CD8A: variants seen among roughly 807,000 people sequenced by gnomAD.
CD8A encodes CD8 subunit alpha.
CD8A carries 25 observed loss-of-function variants against 24.2 expected under a neutral mutation model. That is an observed-to-expected ratio of 1.03 (90% CI 0.75 to 1.44). CD8A has a LOEUF of 1.44. CD8A is among the 40% of genes most tolerant of loss of function. The pLI is 0.00. For synonymous variants in CD8A, 165 were observed against 149.9 expected (o/e 1.10, Z -0.74); for missense variants, 360 against 319.7 (o/e 1.13, Z -0.96).
At chr2:86,791,236 C>A, upstream of CD8A, 1 of 391,278 alleles carries the variant, frequency 2.6e-6, no homozygotes, top group Non-Finnish European at 4.9e-6. Flanking sequence ...GGGGAGTGTC[C>A]CTTCCTTTGC....
intron 3 of CD8A, among the ~76,000 whole-genome samples, chr2:86,797,596 G>C (rs1467639397): frequency 1.3e-5 from 2 of 152,116 alleles, no homozygotes; most frequent in African/African-American, 4.8e-5. Context: ...GGGCAGCATG[G>C]GGACTTGTGG....
upstream of CD8A, chr2:86,791,563 G>A (rs1673311628): frequency 4.4e-6 from 2 of 454,160 alleles, no homozygotes; most frequent in Non-Finnish European, 8.8e-6. Context: ...ATTCACACCA[G>A]TCTCTCTCCT....
Position 86,785,501 on chromosome 2 carries a change from C to G in CD8A, c.*419G>C, listed in dbSNP as rs1382149585. 3 of 461,320 alleles carry G rather than the reference C, an allele frequency of 6.5e-6. No homozygotes were observed. Among genetic ancestry groups the G allele is most frequent in the Non-Finnish European group, 1.3e-5 (3 of 231,916 alleles). 28.6% of individuals were successfully genotyped at this position (461,320 alleles called of 1,614,324 possible). A position where few individuals can be genotyped will look rare whatever the true frequency, so the allele number is the denominator to read the frequency against. ...GAGCCCTGAGCTGGGAGACAAGGTC[C>G]CTCCAGCTACTGCTCCAACCCTGAC... is the stretch of plus-strand genomic sequence containing the variant. On this transcript the variant is annotated 3_prime_UTR_variant, in exon 6 of 6. Transcript: ENST00000283635.
rs1433248821 is a variant in CD8A, at chr2:86,789,429, G to A, written c.519C>T (p.His173=). 2.5e-6 allele frequency: 4 copies of A among 1,611,704 alleles called. No individual in the cohort carries two copies. Among genetic ancestry groups the A allele is most frequent in the East Asian group, 2.2e-5 (1 of 44,874 alleles). ...ACRPAAGGAV[H]TRGLDFACDI... ...CACAGGCGAAGTCCAGCCCCCTCGT[G>A]TGCACTGACGACACCAAAGACGCCG... The change falls in exon 4 of 6, where the codon CAC becomes CAT. Residue 173 remains histidine (H), a synonymous_variant. Coordinates refer to ENST00000283635, the MANE Select transcript of CD8A (RefSeq NM_001768.7).
chr2:86,786,589 G>A lies in CD8A; in HGVS notation c.657-618C>T, dbSNP rs145918138. 3.7e-4 allele frequency among the ~76,000 whole-genome samples: 57 copies of A among 152,274 alleles called. 1 individual carries two copies. In the East Asian group the frequency reaches 0.01, roughly 27 times the overall value. Reference sequence around the variant, plus strand: ...TCGGGTGTTGGAATTTCCCAGGTGTGTTTAATCTGTATAGCTTTGTATTTT... The same window carrying A: ...TCGGGTGTTGGAATTTCCCAGGTGTATTTAATCTGTATAGCTTTGTATTTT... On this transcript the variant is annotated intron_variant, in intron 5 of 5. Transcript: ENST00000283635.
At chr2:86,799,053 G>A (rs1673576624) in intron 3 of CD8A, among the ~76,000 whole-genome samples, 1 of 152,164 alleles carries the variant, frequency 6.6e-6, no homozygotes, top group Non-Finnish European at 1.5e-5. Context: ...CTGTGAATGT[G>A]CCACAGTTTC....
At chr2:86,787,845 G>T (rs2104431595) in intron 5 of CD8A, among the ~76,000 whole-genome samples, 1 of 151,974 alleles carries the variant, frequency 6.6e-6, no homozygotes, top group African/African-American at 2.4e-5. Context: ...CCACAGGGAT[G>T]CCTCAGCCAA....
In CD8A at chr2:86,785,406, G is replaced by T. The variant is rs1334318937; in HGVS notation, c.*514C>A. ...ATCAAGAAGTACTTGTTCCCTTGCC[G>T]TTGGAGACTCAAGCACCTCACCCTG... is the stretch of plus-strand genomic sequence containing the variant. On this transcript the variant is annotated 3_prime_UTR_variant, in exon 6 of 6. Coordinates refer to ENST00000283635, the MANE Select transcript of CD8A (RefSeq NM_001768.7). The T allele has an allele frequency of 1.1e-5, 5 of 454,568 alleles. No individual in the cohort carries two copies. In the East Asian group the frequency reaches 2.8e-4, roughly 25 times the overall value. The allele number at this position is 454,568 out of a possible 1,614,324, so 28.2% of individuals were successfully genotyped here.
intron 3 of CD8A, among the ~76,000 whole-genome samples, chr2:86,799,420 A>G (rs1198489237): frequency 6.6e-6 from 1 of 152,200 alleles, no homozygotes; most frequent in East Asian, 1.9e-4. Context: ...AGAAATTGCC[A>G]AAGAATGCAT....
intron 4 of CD8A, among the ~76,000 whole-genome samples, 175 bp downstream of exon 4, chr2:86,789,148 G>C (rs1392944818): frequency 6.6e-6 from 1 of 152,204 alleles, no homozygotes; most frequent in South Asian, 2.1e-4. Context: ...CAAGGAGCGG[G>C]AAGGGCTTTC....
intron 3 of CD8A, among the ~76,000 whole-genome samples, chr2:86,799,745 G>C (rs1673603624): frequency 6.7e-6 from 1 of 148,924 alleles, no homozygotes; most frequent in Non-Finnish European, 1.5e-5. Context: ...GACAGAGCGA[G>C]ACTCTGTCTC....
At chr2:86,799,033 G>A (rs1400766004) in intron 3 of CD8A, among the ~76,000 whole-genome samples, 1 of 152,172 alleles carries the variant, frequency 6.6e-6, no homozygotes, top group Non-Finnish European at 1.5e-5. Flanking sequence ...ATGCTGTGTG[G>A]TGTATTATCC....
rs868250848 is a variant in CD8A at position 86,789,723 on chromosome 2, C to A, written c.431G>T (p.Arg144Leu). The change falls in exon 3 of 6, where the codon CGA becomes CTA. Residue 144 changes from arginine (R) to leucine (L), a missense_variant. Physicochemically the swap from Arg to Leu is moderately radical, Grantham distance 102. Transcript: ENST00000283635. ...PAKPTTTPAP[R>L]PPTPAPTIAS... ...GATGGTGGGCGCCGGTGTTGGTGGT[C>A]GCGGCGCTGGCGTCGTGGTGGGCTT... 2.2e-6 allele frequency: 3 copies of A among 1,373,360 alleles called. No homozygotes were observed. Among genetic ancestry groups the A allele is most frequent in the South Asian group, 1.9e-5 (1 of 52,200 alleles). The allele number at this position is 1,373,360 out of a possible 1,614,324, so 85.1% of individuals were successfully genotyped here.
At chr2:86,787,981 G>A (rs894797515) in intron 5 of CD8A, among the ~76,000 whole-genome samples, 4 of 151,716 alleles carry the variant, frequency 2.6e-5, no homozygotes, top group Non-Finnish European at 5.9e-5. Flanking sequence ...ATAGCCAATT[G>A]TCCCTGCATC....
At chr2:86,788,341 T>C (rs1189245602) in intron 5 of CD8A, among the ~76,000 whole-genome samples, 189 bp downstream of exon 5, 1 of 151,704 alleles carries the variant, frequency 6.6e-6, no homozygotes, top group African/African-American at 2.4e-5. Flanking sequence ...GGGCCTCCTT[T>C]TTCTCAAAGA....
chr2:86,785,795 C>G lies in CD8A; in HGVS notation c.*125G>C, dbSNP rs748048031. ...AAAGTAATCTTTCCCACCCCGCCCC[C>G]ACTAAAATAATAATCATGAGAATGA... On this transcript the variant is annotated 3_prime_UTR_variant, in exon 6 of 6. Coordinates refer to ENST00000283635, the MANE Select transcript of CD8A (RefSeq NM_001768.7). The G allele has an allele frequency of 7.3e-6, 6 of 823,456 alleles. No homozygotes were observed. Among genetic ancestry groups the G allele is most frequent in the Non-Finnish European group, 1.1e-5 (5 of 457,410 alleles). 51.0% of individuals were successfully genotyped at this position (823,456 alleles called of 1,614,324 possible). A position where few individuals can be genotyped will look rare whatever the true frequency, so the allele number is the denominator to read the frequency against.
intron 2 of CD8A, among the ~76,000 whole-genome samples, chr2:86,804,165 T>C (rs1673765632): frequency 6.6e-6 from 1 of 152,238 alleles, no homozygotes; most frequent in African/African-American, 2.4e-5. Flanking sequence ...ACCATGATGT[T>C]GTATATACCT....
chr2:86,787,097 T>TG (rs1289583321), intron 5 of CD8A, among the ~76,000 whole-genome samples: 3 of 145,056 alleles, frequency 2.1e-5, no homozygotes, highest in Non-Finnish European at 4.6e-5. Context: ...TTTTTTTTTT[T>TG]TGTGAGATGG....
intron 5 of CD8A, among the ~76,000 whole-genome samples, chr2:86,787,555 C>CTA (rs1553430261): frequency 6.6e-6 from 1 of 152,110 alleles, no homozygotes; most frequent in Non-Finnish European, 1.5e-5. Flanking sequence ...ACTAAATGTT[C>CTA]TAAGCCTCAG....
Sources: gnomAD v4.1 joint callset for allele counts (sites outside exome capture counted in the v4.1 genomes callset) on GRCh38, gnomAD v4.1.1 for gene constraint, MANE v1.5 for transcripts, NCBI Gene and HGNC (gene_info 2026-07-23, HGNC 2026-07-21) for gene names.